ELMO1: variants seen among roughly 807,000 people sequenced by gnomAD.
The protein encoded by ELMO1 is engulfment and cell motility 1, also known as engulfment and cell motility protein 1.
ELMO1 carries 26 observed loss-of-function variants against 98.9 expected under a neutral mutation model. The ratio of observed to expected loss-of-function variants is 0.26; its 90% confidence interval spans 0.19 to 0.36. The LOEUF is 0.36. Among genes scored for constraint, ELMO1 ranks in the 10% least tolerant of loss-of-function variants. The pLI is 1.00. For synonymous variants in ELMO1, 346 were observed against 346.0 expected, an observed-to-expected ratio of 1.00 and a Z score of 0.00; for missense variants, 627 against 935.2, an observed-to-expected ratio of 0.67 and a Z score of 4.30.
At chr7:37,307,619 G>T (rs1583510277) in intron 4 of ELMO1, among the ~76,000 whole-genome samples, 1 of 152,214 alleles carries the variant, frequency 6.6e-6, no homozygotes, top group Non-Finnish European at 1.5e-5. Flanking sequence ...TTATCAAGAA[G>T]ATATCACTTT....
intron 18 of ELMO1, among the ~76,000 whole-genome samples, chr7:36,884,314 C>CA (rs59762953): frequency 0.13 from 16,469 of 127,570 alleles, 1,511 homozygotes; most frequent in East Asian, 0.27. Context: ...GAGACTGTCT[C>CA]AAAAAAAAAA....
chr7:37,334,573 G>A (rs1800298934), intron 2 of ELMO1, among the ~76,000 whole-genome samples: 1 of 152,136 alleles, frequency 6.6e-6, no homozygotes, highest in Admixed American at 6.6e-5. Flanking sequence ...TATGAAGTAG[G>A]GAGCCTAAGC....
chr7:36,946,157 C>T (rs1787465035), intron 16 of ELMO1, among the ~76,000 whole-genome samples: 1 of 152,254 alleles, frequency 6.6e-6, no homozygotes, highest in Non-Finnish European at 1.5e-5. Context: ...CTGCTGCCAT[C>T]TGTGGCGTTT....
intron 14 of ELMO1, among the ~76,000 whole-genome samples, chr7:37,125,270 G>A (rs1016625958): frequency 6.6e-6 from 1 of 152,062 alleles, no homozygotes; most frequent in Non-Finnish European, 1.5e-5. Flanking sequence ...GGCAACAAAA[G>A]CCAAAATTGA....
At chr7:37,269,495 G>A (rs901501257) in intron 5 of ELMO1, 1 of 147,242 alleles carries the variant, frequency 6.8e-6, no homozygotes, top group Non-Finnish European at 1.5e-5. Context: ...AGGCTGGAGT[G>A]CAGTGGCGTC....
chr7:37,429,217 C>T lies in ELMO1; in HGVS notation c.-74+19458G>A, dbSNP rs373041370. On this transcript the variant is annotated intron_variant, in intron 1 of 21. Coordinates refer to ENST00000310758, the MANE Select transcript of ELMO1 (RefSeq NM_014800.11). The stretch of plus-strand genomic sequence containing the variant: ...CCACATCCATTCCGGGTGCTGCAGA[C>T]TAAGGGATGGATTTGCAAAACACCT... The T allele has an allele frequency of 7.2e-5, 11 of 152,018 alleles. No homozygotes were observed. The South Asian group carries it at 1.9e-3, about 26-fold the overall frequency. The allele number at this position is 152,018 out of a possible 1,614,324, so 9.4% of individuals were successfully genotyped here.
chr7:37,289,833 A>G (rs1797584931), intron 4 of ELMO1, among the ~76,000 whole-genome samples: 1 of 151,966 alleles, frequency 6.6e-6, no homozygotes, highest in Admixed American at 6.6e-5. Flanking sequence ...GTTAGTAGGG[A>G]TACTAGGTGT....
intron 1 of ELMO1, among the ~76,000 whole-genome samples, chr7:37,346,888 C>T (rs1247136049): frequency 6.6e-6 from 1 of 152,146 alleles, no homozygotes; most frequent in Non-Finnish European, 1.5e-5. Flanking sequence ...TTTCTCAGAC[C>T]GTTCAGGGAA....
chr7:37,212,215 G>A (rs1339005718), intron 12 of ELMO1, among the ~76,000 whole-genome samples: 4 of 152,116 alleles, frequency 2.6e-5, no homozygotes, highest in East Asian at 3.9e-4. Flanking sequence ...TGGTTACCAG[G>A]GACTAAGAGG....
chr7:37,128,809 G>C lies in ELMO1; in HGVS notation c.1191+4321C>G, dbSNP rs182245982. 2.0e-5 allele frequency among the ~76,000 whole-genome samples: 3 copies of C among 152,282 alleles called. No homozygotes were observed. In the East Asian group the frequency reaches 5.8e-4, roughly 29 times the overall value. ...AATGATTAAAAGCCACTATGTGCTAGGCTCTGTGCCAGGGGCTAGAATATA... is the reference window on the plus strand; with the variant it reads ...AATGATTAAAAGCCACTATGTGCTACGCTCTGTGCCAGGGGCTAGAATATA... On this transcript the variant is annotated intron_variant, in intron 14 of 21. Transcript: ENST00000310758.
chr7:37,119,338 T>C (rs1785836704), intron 14 of ELMO1, among the ~76,000 whole-genome samples: 1 of 152,194 alleles, frequency 6.6e-6, no homozygotes, highest in Non-Finnish European at 1.5e-5. Context: ...AAATTACAAA[T>C]AATGTATGTT....
chr7:37,388,251 C>T (rs756768214), intron 1 of ELMO1, among the ~76,000 whole-genome samples: 10 of 152,088 alleles, frequency 6.6e-5, no homozygotes, highest in Non-Finnish European at 1.2e-4. Flanking sequence ...TGCCCACCAC[C>T]AGAGGAGCAG....
chr7:36,910,187 C>T (rs986976970), intron 16 of ELMO1, among the ~76,000 whole-genome samples: 6 of 152,148 alleles, frequency 3.9e-5, no homozygotes, highest in Admixed American at 6.5e-5. Context: ...TTTAGAGGTC[C>T]GGTTGATGGA....
At position 37,356,748 on chromosome 7, in the gene ELMO1, T is replaced by C. The variant is rs112233509; in HGVS notation, c.-73-13985A>G. On this transcript the variant is annotated intron_variant, in intron 1 of 21. Transcript: ENST00000310758. ...ACATTCTGCACATGTATCCCAGAAC[T>C]TAAAGTATAATTAAAAAAAAAAAAG... 6.6e-3 allele frequency among the ~76,000 whole-genome samples: 994 copies of C among 150,634 alleles called. 14 individuals are homozygous for C. The highest frequency in any genetic ancestry group is 0.022 in the African/African-American group (908 of 40,962).
In ELMO1 at chr7:37,055,890, C is replaced by T. The variant is rs117859791; in HGVS notation, c.1300+40729G>A. Among the ~76,000 whole-genome samples the T allele has an allele frequency of 7.0e-3, 1,059 of 152,250 alleles. 39 individuals carry two copies. The highest frequency in any genetic ancestry group is 0.059 in the Admixed American group (902 of 15,290). ...AGGGAGATTGTCCTATCTGTAGTCT[C>T]GGCTGTAAGGGCAGCCCTAAATTTT... On this transcript the variant is annotated intron_variant, in intron 15 of 21. Coordinates refer to ENST00000310758, the MANE Select transcript of ELMO1 (RefSeq NM_014800.11).
chr7:36,974,036 TCC>T (rs1790256336), intron 16 of ELMO1, among the ~76,000 whole-genome samples: 1 of 152,192 alleles, frequency 6.6e-6, no homozygotes, highest in Non-Finnish European at 1.5e-5. Flanking sequence ...CTCCGTGGGC[TCC>T]TGTGCGTCTG....
intron 1 of ELMO1, among the ~76,000 whole-genome samples, chr7:37,367,338 A>C (rs1325223741): frequency 3.3e-5 from 5 of 152,084 alleles, no homozygotes; most frequent in African/African-American, 1.2e-4. Context: ...AATGTTACAC[A>C]CCGGTCTATG....
At chr7:37,091,338 C>A (rs935756516) in intron 15 of ELMO1, among the ~76,000 whole-genome samples, 3 of 152,134 alleles carry the variant, frequency 2.0e-5, no homozygotes, top group African/African-American at 7.2e-5. Context: ...AACTCCTGAC[C>A]TCAGGTGATC....
intron 2 of ELMO1, among the ~76,000 whole-genome samples, chr7:37,331,081 G>GT (rs70975017): frequency 1 from 152,288 of 152,290 alleles, 76,143 homozygotes; most frequent in Non-Finnish European, 1. Flanking sequence ...AAACTTATGA[G>GT]TGTTTACTTC....
Sources: gnomAD v4.1 joint callset for allele counts (sites outside exome capture counted in the v4.1 genomes callset) on GRCh38, gnomAD v4.1.1 for gene constraint, MANE v1.5 for transcripts, NCBI Gene and HGNC (gene_info 2026-07-23, HGNC 2026-07-21) for gene names.